The following PGBD5 variants were observed in gnomAD, a reference collection of about 807,000 sequenced individuals.
The protein encoded by PGBD5 is piggyBac transposable element derived 5.
PGBD5 carries 14 observed loss-of-function variants against 47.9 expected under a neutral mutation model. The ratio of observed to expected loss-of-function variants is 0.29; its 90% CI spans 0.19 to 0.46. The LOEUF is 0.46. Ranked by LOEUF, PGBD5 falls within the 20% of genes least tolerant of loss-of-function variation. The pLI is 1.00. For synonymous variants in PGBD5, 316 were observed against 306.3 expected, an observed-to-expected ratio of 1.03 and a Z score of -0.33; for missense variants, 635 against 716.0, an observed-to-expected ratio of 0.89 and a Z score of 1.29.
intron 1 of PGBD5, among the ~76,000 whole-genome samples, chr1:230,379,296 T>C (rs1051693865): frequency 1.3e-5 from 2 of 152,042 alleles, no homozygotes; most frequent in African/African-American, 4.8e-5. Context: ...GCTCCTCACC[T>C]CCACTTCCAC....
rs962229674 is a variant in PGBD5 at position 230,321,355 on chromosome 1, T to A, written c.*2070A>T. 4 of 152,244 alleles carry A rather than the reference T, an allele frequency of 2.6e-5. No individual in the cohort carries two copies. Among genetic ancestry groups the A allele is most frequent in the African/African-American group, 9.6e-5 (4 of 41,464 alleles). 9.4% of individuals were successfully genotyped at this position (152,244 alleles called of 1,614,324 possible). On this transcript the variant is annotated 3_prime_UTR_variant, in exon 7 of 7. Transcript: ENST00000391860. Reference sequence around the variant, plus strand: ...TATTTTTGTTCCTTCACCTTGTTTTTTTTCTTGATACAGGGTCTGGCTCTG... The same window carrying A: ...TATTTTTGTTCCTTCACCTTGTTTTATTTCTTGATACAGGGTCTGGCTCTG...
chr1:230,418,038 T>G (rs1299447713), intron 1 of PGBD5, among the ~76,000 whole-genome samples: 1 of 152,170 alleles, frequency 6.6e-6, no homozygotes, highest in Non-Finnish European at 1.5e-5. Context: ...GCCAGTAACA[T>G]TCAGTGGGTA....
chr1:230,422,797 C>T (rs928931494), intron 1 of PGBD5, among the ~76,000 whole-genome samples: 2 of 152,058 alleles, frequency 1.3e-5, no homozygotes, highest in Non-Finnish European at 2.9e-5. Context: ...GATTTCCCAC[C>T]TTAACTACAG....
chr1:230,416,687 G>A lies in PGBD5; in HGVS notation c.331+8911C>T, dbSNP rs368559754. Among the ~76,000 whole-genome samples the A allele has an allele frequency of 7.8e-4, 119 of 152,340 alleles. 1 individual carries two copies. In the South Asian group the frequency reaches 0.024, roughly 30 times the overall value. On this transcript the variant is annotated intron_variant, in intron 1 of 6. Coordinates refer to ENST00000391860, the MANE Select transcript of PGBD5 (RefSeq NM_001258311.2). Reference sequence around the variant, plus strand: ...ACATGGCCAGAGACAATGGTAGGACGCGTGCTACAAGGTGACAATAGAGAG... The same window carrying A: ...ACATGGCCAGAGACAATGGTAGGACACGTGCTACAAGGTGACAATAGAGAG...
At chr1:230,329,514 A>G (rs922819185) in intron 5 of PGBD5, among the ~76,000 whole-genome samples, 2 of 152,190 alleles carry the variant, frequency 1.3e-5, no homozygotes, top group African/African-American at 4.8e-5. Context: ...ATCATCTGAT[A>G]TATACATATA....
chr1:230,378,258 T>A (rs1668045362), intron 1 of PGBD5, among the ~76,000 whole-genome samples: 2 of 152,134 alleles, frequency 1.3e-5, no homozygotes, highest in Non-Finnish European at 2.9e-5. Flanking sequence ...CACAAAGAAA[T>A]CAAATCACTG....
chr1:230,329,670 C>T (rs1005413234), intron 5 of PGBD5, among the ~76,000 whole-genome samples: 1 of 152,200 alleles, frequency 6.6e-6, no homozygotes, highest in Non-Finnish European at 1.5e-5. Flanking sequence ...AGCCACCACA[C>T]CTGGCCCTGA....
chr1:230,404,632 AT>A (rs1283044563), intron 1 of PGBD5, among the ~76,000 whole-genome samples: 14 of 110,092 alleles, frequency 1.3e-4, no homozygotes, highest in African/African-American at 4.7e-4. Flanking sequence ...AAAAAAAAAT[AT>A]ATATATATAT....
chr1:230,422,468 T>G (rs2102757132), intron 1 of PGBD5, among the ~76,000 whole-genome samples: 1 of 152,124 alleles, frequency 6.6e-6, no homozygotes, highest in Non-Finnish European at 1.5e-5. Context: ...GCAAGTCTGG[T>G]TAAGAGAGGG....
At chr1:230,412,892 T>C (rs559441259) in intron 1 of PGBD5, among the ~76,000 whole-genome samples, 1 of 152,136 alleles carries the variant, frequency 6.6e-6, no homozygotes, top group Non-Finnish European at 1.5e-5. Flanking sequence ...TTGCATGCAA[T>C]ATCACAACGA....
chr1:230,393,820 G>A (rs142790691), intron 1 of PGBD5, among the ~76,000 whole-genome samples: 4,429 of 118,008 alleles, frequency 0.038, 104 homozygotes, highest in South Asian at 0.11. Flanking sequence ...ACGAGACTCC[G>A]TCTCAAAAAA....
At chr1:230,403,164 A>T (rs1278905265) in intron 1 of PGBD5, among the ~76,000 whole-genome samples, 2 of 152,240 alleles carry the variant, frequency 1.3e-5, no homozygotes, top group African/African-American at 4.8e-5. Flanking sequence ...TAAGAGTTTG[A>T]CCAAAGCACA....
At chr1:230,348,516 T>TG (rs35983544) in intron 3 of PGBD5, among the ~76,000 whole-genome samples, 10 of 152,198 alleles carry the variant, frequency 6.6e-5, no homozygotes, top group South Asian at 2.1e-4. Context: ...TACAAGGCTG[T>TG]GGGGAGGATC....
At chr1:230,383,982 C>T (rs2102727804) in intron 1 of PGBD5, among the ~76,000 whole-genome samples, 1 of 152,234 alleles carries the variant, frequency 6.6e-6, no homozygotes, top group Non-Finnish European at 1.5e-5. Context: ...GGATAAGCAA[C>T]AGTGGTGATG....
At chr1:230,332,327 C>T (rs537995988) in intron 5 of PGBD5, among the ~76,000 whole-genome samples, 2 of 152,300 alleles carry the variant, frequency 1.3e-5, no homozygotes, top group East Asian at 1.9e-4. Flanking sequence ...TTTCACTGTA[C>T]GGTACTTTAA....
intron 1 of PGBD5, among the ~76,000 whole-genome samples, chr1:230,383,249 T>A (rs1279611244): frequency 6.6e-6 from 1 of 152,020 alleles, no homozygotes; most frequent in Non-Finnish European, 1.5e-5. Context: ...AAAAAAATTT[T>A]TTTTTGTAGA....
intron 1 of PGBD5, among the ~76,000 whole-genome samples, chr1:230,394,554 C>G (rs894567655): frequency 1.4e-5 from 2 of 146,212 alleles, no homozygotes; most frequent in Non-Finnish European, 3.0e-5. Flanking sequence ...ACCCCAAGCT[C>G]CATTCATTGC....
At chr1:230,395,394 C>G (rs1427387356) in intron 1 of PGBD5, among the ~76,000 whole-genome samples, 1 of 41,172 alleles carries the variant, frequency 2.4e-5, no homozygotes, top group African/African-American at 1.2e-4. Context: ...CTCCCCATCC[C>G]TGAGCTCCTC....
At chr1:230,338,205 G>T (rs1417348900) in intron 3 of PGBD5, among the ~76,000 whole-genome samples, 1 of 152,170 alleles carries the variant, frequency 6.6e-6, no homozygotes, top group Non-Finnish European at 1.5e-5. Flanking sequence ...TTTTTAAATT[G>T]CTGCAGCACA....
Sources: allele counts gnomAD v4.1 joint callset (sites outside exome capture counted in the v4.1 genomes callset), GRCh38; gene constraint gnomAD v4.1.1; transcripts MANE v1.5; gene names NCBI Gene and HGNC (gene_info 2026-07-23, HGNC 2026-07-21).